Variants in DROSHA observed in about 807,000 individuals in gnomAD.
DROSHA encodes ribonuclease 3.
DROSHA carries 56 observed loss-of-function variants against 181.9 expected under a neutral mutation model. The observed-to-expected ratio is 0.31, with a 90% CI of 0.25 to 0.38. The LOEUF (loss-of-function observed/expected upper bound fraction) is 0.38, where lower values mean the gene tolerates loss of function less well. Among genes scored for constraint, DROSHA ranks in the 10% least tolerant of loss-of-function variants. The pLI is 1.00. For missense variants in DROSHA, 1,218 were observed against 1,743.5 expected (o/e 0.70, Z 5.37); for synonymous variants, 524 against 591.2 (o/e 0.89, Z 1.65).
chr5:31,500,896 A>G (rs899836650), intron 11 of DROSHA, among the ~76,000 whole-genome samples: 24 of 152,362 alleles, frequency 1.6e-4, no homozygotes, highest in African/African-American at 5.8e-4. Flanking sequence ...GTAACCAGTA[A>G]GAGTACTACT....
At chr5:31,443,288 G>A (rs1165723931) in intron 23 of DROSHA, among the ~76,000 whole-genome samples, 1 of 151,870 alleles carries the variant, frequency 6.6e-6, no homozygotes, top group African/African-American at 2.4e-5. Flanking sequence ...AAAGTGCTGG[G>A]ATTACAGGTG....
rs1225965179 is a variant in DROSHA, at chr5:31,409,840, A to G, written c.3668-508T>C. ...AGAGAAAAACTTAATACTGATCTTA[A>G]TGACAACAATATGTCAAATTTTGCA... On this transcript the variant is annotated intron_variant, in intron 31 of 35. Transcript: ENST00000344624. This position sits in a 1 kb window ranked among gnomAD's most constrained non-coding sequence, Gnocchi z 4.0. Among the ~76,000 whole-genome samples, 1 of 152,190 alleles carries G rather than the reference A, an allele frequency of 6.6e-6. No individual in the cohort carries two copies.
chr5:31,421,423 G>A (rs906250942), intron 29 of DROSHA, 46 bp from the exon 30 acceptor site: 9 of 1,478,878 alleles, frequency 6.1e-6, no homozygotes, highest in Non-Finnish European at 6.5e-6. Context: ...ACCATTTATG[G>A]ATTTCCAAAA....
chr5:31,500,681 T>C (rs974777366), intron 11 of DROSHA, among the ~76,000 whole-genome samples: 15 of 152,182 alleles, frequency 9.9e-5, no homozygotes, highest in African/African-American at 3.6e-4. Flanking sequence ...TAGCCTCCTC[T>C]GCAGGCCAGG....
At chr5:31,441,299 T>C (rs1410166632) in intron 23 of DROSHA, among the ~76,000 whole-genome samples, 2 of 152,046 alleles carry the variant, frequency 1.3e-5, no homozygotes, top group Admixed American at 1.3e-4. Flanking sequence ...TAGTCTCAGC[T>C]ACTCTGGAGG....
Position 31,423,086 on chromosome 5 carries a change from T to C in DROSHA, c.3262-142A>G, listed in dbSNP as rs1002946053. The C allele has an allele frequency of 5.6e-6, 4 of 719,706 alleles. No homozygotes were observed. In the African/African-American group the frequency reaches 7.4e-5, roughly 13 times the overall value. The allele number at this position is 719,706 out of a possible 1,614,324, so 44.6% of individuals were successfully genotyped here. On this transcript the variant is annotated intron_variant, in intron 28 of 35. Coordinates refer to ENST00000344624, the MANE Select transcript of DROSHA (RefSeq NM_001382508.1). ...AATGCCAATAAAGCATGGAAGCTCG[T>C]TTCTCATTTCTTTGAATGGCAAACA...
intron 14 of DROSHA, among the ~76,000 whole-genome samples, chr5:31,485,914 T>C (rs1460319865): frequency 2.0e-5 from 3 of 152,206 alleles, no homozygotes; most frequent in African/African-American, 7.2e-5. Context: ...TGTCTAGTTG[T>C]TATTTCTTAG....
At chr5:31,504,522 G>C in intron 11 of DROSHA, 33 bp downstream of exon 11, 1 of 1,608,830 alleles carries the variant, frequency 6.2e-7, no homozygotes, top group East Asian at 2.2e-5. Flanking sequence ...TGGCTTCTCA[G>C]CATTTACAAA....
chr5:31,405,727 TTAAA>T lies in DROSHA; in HGVS notation c.3948-8_3948-5del, dbSNP rs1740557990. The T allele has an allele frequency of 4.7e-6, 7 of 1,493,984 alleles. No individual in the cohort carries two copies. Among genetic ancestry groups the T allele is most frequent in the Non-Finnish European group, 5.4e-6 (6 of 1,113,510 alleles). 92.5% of individuals were successfully genotyped at this position (1,493,984 alleles called of 1,614,324 possible). On this transcript the variant is annotated splice_polypyrimidine_tract_variant and splice_region_variant and intron_variant, in intron 34 of 35. Transcript: ENST00000344624. ...TCCCATTTCCGCTTGCTGAATACTA[TTAAA>T]TAAAATAAAGTAAGACATACTTTAA...
intron 19 of DROSHA, 89 bp from the exon 20 acceptor site, chr5:31,464,432 A>G (rs1748777987): frequency 8.9e-7 from 1 of 1,121,916 alleles, no homozygotes. Flanking sequence ...AGTTGGATTC[A>G]TTTAATATTA....
chr5:31,414,604 AG>A (rs1193625861), intron 30 of DROSHA, among the ~76,000 whole-genome samples: 1 of 152,224 alleles, frequency 6.6e-6, no homozygotes, highest in Non-Finnish European at 1.5e-5. Flanking sequence ...TGAGAATTAG[AG>A]TGGATGACAT....
At chr5:31,481,285 T>C (rs915907632) in intron 16 of DROSHA, among the ~76,000 whole-genome samples, 13 of 152,216 alleles carry the variant, frequency 8.5e-5, no homozygotes, top group African/African-American at 2.9e-4. Flanking sequence ...AAACCCTGTT[T>C]AAAAACAAAT....
intron 8 of DROSHA, among the ~76,000 whole-genome samples, chr5:31,513,857 T>G (rs998348517): frequency 6.6e-6 from 1 of 152,144 alleles, no homozygotes; most frequent in African/African-American, 2.4e-5. Flanking sequence ...ACATGCCTAC[T>G]CTGTGGCAAA....
chr5:31,423,503 T>C (rs955032954), intron 28 of DROSHA, among the ~76,000 whole-genome samples: 1 of 152,222 alleles, frequency 6.6e-6, no homozygotes, highest in Admixed American at 6.5e-5. Context: ...GCAATGAGCA[T>C]CATTAAAACA....
At position 31,514,770 on chromosome 5, in the gene DROSHA, C is replaced by T. The variant is rs1357701928; in HGVS notation, c.1290+218G>A. Among the ~76,000 whole-genome samples, 1 of 152,216 alleles carries T rather than the reference C, an allele frequency of 6.6e-6. No individual in the cohort carries two copies. The highest frequency in any genetic ancestry group is 1.9e-4 in the East Asian group (1 of 5,184). On this transcript the variant is annotated intron_variant, in intron 8 of 35. Coordinates refer to ENST00000344624, the MANE Select transcript of DROSHA (RefSeq NM_001382508.1). This position sits in a 1 kb window ranked among gnomAD's most constrained non-coding sequence, Gnocchi z 4.4. ...ATTCTCAACTGGGGGTGATCTTTTC[C>T]CCCCAGGGGACATTTGGCAATATTT...
At chr5:31,524,474 C>T (rs865965072) in intron 5 of DROSHA, among the ~76,000 whole-genome samples, 1 of 152,188 alleles carries the variant, frequency 6.6e-6, no homozygotes, top group African/African-American at 2.4e-5. Context: ...AAGTACACTA[C>T]TGGGGAAAGA....
At chr5:31,524,793 T>C (rs1340961356) in intron 5 of DROSHA, among the ~76,000 whole-genome samples, 1 of 152,246 alleles carries the variant, frequency 6.6e-6, no homozygotes, top group Admixed American at 6.5e-5. Flanking sequence ...CTCATATTTA[T>C]ACCTATTTGA....
Position 31,526,878 on chromosome 5 carries a change from G to T in DROSHA, c.55C>A (p.Pro19Thr). 6.2e-7 allele frequency: 1 copy of T among 1,613,178 alleles called. No individual in the cohort carries two copies. Among genetic ancestry groups the T allele is most frequent in the Non-Finnish European group, 8.5e-7 (1 of 1,179,834 alleles). Residue 19 changes from proline to threonine, a missense_variant, in exon 5 of 36, where the codon CCC becomes ACC. By Grantham distance (38) the Pro-to-Thr change is conservative (BLOSUM62 -1). Coordinates refer to ENST00000344624, the MANE Select transcript of DROSHA (RefSeq NM_001382508.1). The stretch of plus-strand genomic sequence containing the variant: ...GCTCCATGTCCTCCTCGTCCTCGGG[G>T]ACACCCTCGTCCCGGGTGGAACGAC... ...RMSFHPGRGCPRGRGGHGARP... is the reference protein window; with the variant it reads ...RMSFHPGRGCTRGRGGHGARP...
Position 31,470,895 on chromosome 5 carries a change from T to C in DROSHA, c.2241+1168A>G, listed in dbSNP as rs1749651435. Among the ~76,000 whole-genome samples, 3 of 152,086 alleles carry C rather than the reference T, an allele frequency of 2.0e-5. No individual in the cohort carries two copies. The highest frequency in any genetic ancestry group is 4.4e-5 in the Non-Finnish European group (3 of 68,014). ...CCATCCTCTGACTCAGCATGAAAAG[T>C]GACAGAGGGAATATCAATATATGCA... On this transcript the variant is annotated intron_variant, in intron 17 of 35. Transcript: ENST00000344624. This position sits in a 1 kb window ranked among gnomAD's most constrained non-coding sequence, Gnocchi z 4.0.
Sources: gnomAD v4.1 joint callset for allele counts (sites outside exome capture counted in the v4.1 genomes callset) on GRCh38, gnomAD v4.1.1 for gene constraint, Gnocchi (gnomAD v3.1) non-coding constraint, MANE v1.5 for transcripts, NCBI Gene and HGNC (gene_info 2026-07-23, HGNC 2026-07-21) for gene names.